Variants in C7orf33 observed in about 807,000 individuals in gnomAD.
The protein encoded by C7orf33 is uncharacterized protein C7orf33.
C7orf33 carries 15 observed loss-of-function variants against 13.4 expected under a neutral mutation model. That is an observed-to-expected ratio of 1.12 (90% CI 0.75 to 1.72). The LOEUF (loss-of-function observed/expected upper bound fraction) is 1.72. Among genes scored for constraint, C7orf33 ranks in the 40% most tolerant of loss-of-function variants. The probability of loss-of-function intolerance (pLI) is 0.00; values close to 1 mark genes in which losing one functional copy is unlikely to be tolerated. For missense variants in C7orf33, 187 were observed against 220.3 expected (o/e 0.85, Z 0.96); for synonymous variants, 73 against 83.2 (o/e 0.88, Z 0.67).
At chr7:148,614,415 T>C (rs1796579655) in intron 2 of C7orf33, 119 bp downstream of exon 2, 2 of 1,143,570 alleles carry the variant, frequency 1.7e-6, no homozygotes, top group Non-Finnish European at 2.5e-6. Context: ...GGATGTTTCA[T>C]ATTCTCTGAA....
chr7:148,592,214 G>A (rs1486010957), intron 1 of C7orf33, among the ~76,000 whole-genome samples: 2 of 152,174 alleles, frequency 1.3e-5, no homozygotes, highest in African/African-American at 2.4e-5. Flanking sequence ...CTTTCCCTGA[G>A]AACAGCAGCA....
chr7:148,596,067 C>T (rs562769429), intron 1 of C7orf33, among the ~76,000 whole-genome samples: 25 of 152,014 alleles, frequency 1.6e-4, no homozygotes, highest in African/African-American at 5.1e-4. Context: ...CTCTATTCTG[C>T]AGTTGATGCA....
chr7:148,599,801 C>G (rs934568412), intron 1 of C7orf33, among the ~76,000 whole-genome samples: 1 of 152,072 alleles, frequency 6.6e-6, no homozygotes, highest in Admixed American at 6.6e-5. Flanking sequence ...TAAAGTCCAC[C>G]CTGGAATGTG....
intron 1 of C7orf33, among the ~76,000 whole-genome samples, chr7:148,611,056 A>G (rs1585465952): frequency 6.6e-6 from 1 of 152,150 alleles, no homozygotes; most frequent in East Asian, 1.9e-4. Flanking sequence ...AGTTGGAGGT[A>G]TGATTCCTCC....
At chr7:148,595,444 ATATATAT>A (rs1796321700) in intron 1 of C7orf33, among the ~76,000 whole-genome samples, 1 of 129,170 alleles carries the variant, frequency 7.7e-6, no homozygotes, top group African/African-American at 3.2e-5. Context: ...TATAATATAG[ATATATAT>A]TATATAGCTA....
intron 1 of C7orf33, among the ~76,000 whole-genome samples, chr7:148,594,130 C>T (rs113504970): frequency 6.6e-6 from 1 of 151,640 alleles, no homozygotes; most frequent in Admixed American, 6.6e-5. Flanking sequence ...GCCATGTTTC[C>T]TGTACAGCCT....
intron 1 of C7orf33, among the ~76,000 whole-genome samples, chr7:148,595,219 A>G (rs1172809233): frequency 6.9e-6 from 1 of 145,560 alleles, no homozygotes; most frequent in Non-Finnish European, 1.5e-5. Context: ...TATAATATCT[A>G]TATTATATGG....
intron 1 of C7orf33, among the ~76,000 whole-genome samples, chr7:148,595,767 A>G (rs1211820251): frequency 6.9e-6 from 1 of 144,604 alleles, no homozygotes; most frequent in Non-Finnish European, 1.5e-5. Context: ...ATATATATCT[A>G]TATCTCAAGC....
At chr7:148,609,397 G>A (rs1796511374) in intron 1 of C7orf33, among the ~76,000 whole-genome samples, 1 of 152,162 alleles carries the variant, frequency 6.6e-6, no homozygotes, top group East Asian at 1.9e-4. Context: ...CACATACAGA[G>A]TAACAGAAAC....
chr7:148,595,619 TATATAATATACATCTATATTATATAG>T lies in C7orf33; in HGVS notation c.204+4501_204+4526del, dbSNP rs1236967409. On this transcript the variant is annotated intron_variant, in intron 1 of 2. Coordinates refer to ENST00000307003, the MANE Select transcript of C7orf33 (RefSeq NM_145304.4). ...ATAGATATACATATTATATATATTA[TATATAATATACATCTATATTATATAG>T]ATATAATATAGATCTATATTATATA... Among the ~76,000 whole-genome samples the T allele has an allele frequency of 7.0e-3, 897 of 128,896 alleles. 31 individuals are homozygous for T. Among genetic ancestry groups the T allele is most frequent in the African/African-American group, 0.023 (736 of 32,612 alleles). The allele number at this position is 128,896 out of a possible 152,430, so 84.6% of individuals were successfully genotyped here. A position where few individuals can be genotyped will look rare whatever the true frequency, so the allele number is the denominator to read the frequency against.
intron 1 of C7orf33, among the ~76,000 whole-genome samples, chr7:148,596,866 A>G (rs1796345636): frequency 6.6e-6 from 1 of 152,058 alleles, no homozygotes; most frequent in Non-Finnish European, 1.5e-5. Flanking sequence ...TACTGTCTCC[A>G]TAGTTTTGTC....
Position 148,600,951 on chromosome 7 carries a change from C to T in C7orf33, c.204+9822C>T, listed in dbSNP as rs553226283. 7.9e-5 allele frequency among the ~76,000 whole-genome samples: 12 copies of T among 151,874 alleles called. No homozygotes were observed. In the South Asian group the frequency reaches 1.0e-3, roughly 13 times the overall value. ...CTGAGTAGCTGGGACTACAGGCACA[C>T]GCCACCACACCCAGCTGATTTTTTG... On this transcript the variant is annotated intron_variant, in intron 1 of 2. Coordinates refer to ENST00000307003, the MANE Select transcript of C7orf33 (RefSeq NM_145304.4).
intron 1 of C7orf33, among the ~76,000 whole-genome samples, chr7:148,595,947 T>C (rs1362359302): frequency 2.0e-5 from 3 of 151,714 alleles, no homozygotes; most frequent in African/African-American, 7.3e-5. Context: ...CACAGATTAC[T>C]GAGAATACTG....
At chr7:148,596,695 T>C (rs562269269) in intron 1 of C7orf33, among the ~76,000 whole-genome samples, 1 of 152,224 alleles carries the variant, frequency 6.6e-6, no homozygotes, top group South Asian at 2.1e-4. Context: ...CCCACAACAC[T>C]TGGGGATTAT....
chr7:148,608,813 T>C (rs1000827754), intron 1 of C7orf33, among the ~76,000 whole-genome samples: 10 of 152,110 alleles, frequency 6.6e-5, no homozygotes, highest in Admixed American at 4.6e-4. Context: ...CAAGACTCTG[T>C]CTCAGGAAAT....
chr7:148,615,382 C>T lies in C7orf33; in HGVS notation c.515C>T (p.Ser172Phe), dbSNP rs757044028. The T allele has an allele frequency of 6.2e-7, 1 of 1,612,400 alleles. No homozygotes were observed. The highest frequency in any genetic ancestry group is 8.5e-7 in the Non-Finnish European group (1 of 1,178,466). The change falls in exon 3 of 3, where the codon TCC (serine) becomes TTC (phenylalanine). Residue 172 changes from serine (S) to phenylalanine (F), a missense_variant. By Grantham distance (155) the Ser-to-Phe change is radical. Transcript: ENST00000307003. ...LQNSVEATRI[S>F]RTDSS is the part of the protein sequence containing the mutation. ...AATTCTGTTGAGGCCACAAGGATTT[C>T]CAGAACTGACAGCAGTTAAGAATTT... is the stretch of plus-strand genomic sequence containing the variant.
chr7:148,609,957 A>T (rs570413699), intron 1 of C7orf33, among the ~76,000 whole-genome samples: 19 of 152,332 alleles, frequency 1.2e-4, no homozygotes, highest in South Asian at 2.1e-4. Flanking sequence ...CCTTCCAACT[A>T]GCAGATTCCA....
chr7:148,598,745 TATATATATATATATATATAGAGAGAGAG>T (rs1428770357), intron 1 of C7orf33, among the ~76,000 whole-genome samples: 37 of 71,096 alleles, frequency 5.2e-4, no homozygotes, highest in African/African-American at 2.1e-3. Flanking sequence ...TATATATATA[TATATATATATATATATATAGAGAGAGAG>T]AGAGAGAGAG....
At chr7:148,595,561 CTATATAA>C (rs1563120351) in intron 1 of C7orf33, among the ~76,000 whole-genome samples, 7 of 118,542 alleles carry the variant, frequency 5.9e-5, no homozygotes, top group African/African-American at 2.7e-4. Context: ...TAACATATAG[CTATATAA>C]TATATATAAT....
Sources: gnomAD v4.1 joint callset for allele counts (sites outside exome capture counted in the v4.1 genomes callset) on GRCh38, gnomAD v4.1.1 for gene constraint, MANE v1.5 for transcripts, NCBI Gene and HGNC (gene_info 2026-07-23, HGNC 2026-07-21) for gene names.